The following CCDC91 variants were observed in gnomAD, a reference collection of about 807,000 sequenced individuals.
CCDC91 encodes the protein coiled-coil domain-containing protein 91.
CCDC91 carries 48 observed loss-of-function variants against 63.2 expected under a neutral mutation model. The observed-to-expected ratio is 0.76, with a 90% CI of 0.60 to 0.97. The LOEUF (loss-of-function observed/expected upper bound fraction) is 0.97. Among genes scored for constraint, CCDC91 ranks in the 50% least tolerant of loss-of-function variants. CCDC91 has a pLI of 0.00. For missense variants in CCDC91, 500 were observed against 494.6 expected, an observed-to-expected ratio of 1.01 and a Z score of -0.10; for synonymous variants, 167 against 165.8, an observed-to-expected ratio of 1.01 and a Z score of -0.06.
At chr12:28,309,565 C>G (rs555721942) in intron 6 of CCDC91, among the ~76,000 whole-genome samples, 2 of 152,084 alleles carry the variant, frequency 1.3e-5, no homozygotes, top group African/African-American at 4.8e-5. Flanking sequence ...CGTCTCTAAC[C>G]TATTGCTCCT....
At position 28,394,726 on chromosome 12, in the gene CCDC91, C is replaced by G. The variant is rs79676442; in HGVS notation, c.762+3315C>G. Among the ~76,000 whole-genome samples, 851 of 151,972 alleles carry G rather than the reference C, an allele frequency of 5.6e-3. 5 individuals carry two copies. Among genetic ancestry groups the G allele is most frequent in the Middle Eastern group, 0.01 (3 of 294 alleles). On this transcript the variant is annotated intron_variant, in intron 8 of 12. Coordinates refer to ENST00000536442, the MANE Select transcript of CCDC91 (RefSeq NM_018318.5). ...TCTGTTTCTTGCTCTCTCTCTCTCT[C>G]TCTCTCCCCCTTTTTCAGATTAAGA...
chr12:28,244,494 C>CTTTTTTTTTTTTTTTTTTT lies in CCDC91; in HGVS notation c.-14-12694_-14-12676dup, dbSNP rs3064681. Among the ~76,000 whole-genome samples the CTTTTTTTTTTTTTTTTTTT allele has an allele frequency of 7.8e-5, 3 of 38,426 alleles. 1 individual carries two copies. The highest frequency in any genetic ancestry group is 1.2e-4 in the African/African-American group (1 of 8,606). 25.2% of individuals were successfully genotyped at this position (38,426 alleles called of 152,430 possible). A position where few individuals can be genotyped will look rare whatever the true frequency, so the allele number is the denominator to read the frequency against. ...GAAACTTGGACAATGTAGAAGAAGGCTTTTTTTTTTTTTTTTTTTTTTTTT... is the reference window on the plus strand; with the variant it reads ...GAAACTTGGACAATGTAGAAGAAGGCTTTTTTTTTTTTTTTTTTTTTTTTTTTTTTTTTTTTTTTTTTTT... On this transcript the variant is annotated intron_variant, in intron 1 of 12. Coordinates refer to ENST00000536442, the MANE Select transcript of CCDC91 (RefSeq NM_018318.5).
chr12:28,532,957 T>C (rs1324236089), intron 12 of CCDC91, among the ~76,000 whole-genome samples: 1 of 152,128 alleles, frequency 6.6e-6, no homozygotes, highest in Non-Finnish European at 1.5e-5. Context: ...TGGGTCAGTA[T>C]AAGTTCTGTT....
At chr12:28,415,662 A>ATT (rs1947609886) in intron 8 of CCDC91, among the ~76,000 whole-genome samples, 4 of 50,120 alleles carry the variant, frequency 8.0e-5, no homozygotes, top group African/African-American at 2.6e-4. Flanking sequence ...AAAGATATAT[A>ATT]TTTGTGTGTG....
chr12:28,403,522 A>G (rs1205955448), intron 8 of CCDC91, among the ~76,000 whole-genome samples: 1 of 152,100 alleles, frequency 6.6e-6, no homozygotes, highest in African/African-American at 2.4e-5. Flanking sequence ...CCCTTCTACC[A>G]TGACCCCATA....
At chr12:28,411,957 C>A (rs1592595260) in intron 8 of CCDC91, among the ~76,000 whole-genome samples, 1 of 152,170 alleles carries the variant, frequency 6.6e-6, no homozygotes, top group Non-Finnish European at 1.5e-5. Context: ...GGCCCTACCC[C>A]CCAACACCAC....
chr12:28,540,101 C>T (rs975350306), intron 12 of CCDC91, among the ~76,000 whole-genome samples: 4 of 152,122 alleles, frequency 2.6e-5, no homozygotes, highest in Admixed American at 2.6e-4. Flanking sequence ...AAAGATTGTA[C>T]AAGCCTAGCA....
chr12:28,395,556 C>T (rs1946238061), intron 8 of CCDC91, among the ~76,000 whole-genome samples: 1 of 152,046 alleles, frequency 6.6e-6, no homozygotes, highest in Non-Finnish European at 1.5e-5. Flanking sequence ...CTTGGTTTGT[C>T]ATAAAGGATA....
At chr12:28,415,566 G>A (rs964937903) in intron 8 of CCDC91, among the ~76,000 whole-genome samples, 1 of 152,058 alleles carries the variant, frequency 6.6e-6, no homozygotes, top group African/African-American at 2.4e-5. Context: ...TCTTGTTACT[G>A]AGGATATATC....
chr12:28,213,549 G>T (rs1943377458), intron 1 of CCDC91, among the ~76,000 whole-genome samples: 1 of 152,130 alleles, frequency 6.6e-6, no homozygotes, highest in African/African-American at 2.4e-5. Flanking sequence ...CTAACATTTT[G>T]TTTTCTTAGT....
intron 1 of CCDC91, among the ~76,000 whole-genome samples, chr12:28,194,034 A>T (rs570092583): frequency 6.6e-6 from 1 of 152,212 alleles, no homozygotes; most frequent in Non-Finnish European, 1.5e-5. Flanking sequence ...CAAAGAGCAG[A>T]AGTTTTAAAT....
rs532363661 is a variant in CCDC91 at position 28,266,082 on chromosome 12, A to G, written c.109+6640A>G. Among the ~76,000 whole-genome samples the G allele has an allele frequency of 9.2e-5, 14 of 152,158 alleles. 1 individual carries two copies. The highest frequency in any genetic ancestry group is 3.4e-4 in the African/African-American group (14 of 41,550). On this transcript the variant is annotated intron_variant, in intron 3 of 12. Coordinates refer to ENST00000536442, the MANE Select transcript of CCDC91 (RefSeq NM_018318.5). ...TTTACTCTGGAGCCAGTTTTTAAAA[A>G]TGACGCCTAAAATGATAGCTTCTAT...
At chr12:28,475,765 T>G (rs1951051082) in intron 11 of CCDC91, among the ~76,000 whole-genome samples, 1 of 152,044 alleles carries the variant, frequency 6.6e-6, no homozygotes. Context: ...TTACCAGATG[T>G]GGCCCTTGGT....
intron 1 of CCDC91, among the ~76,000 whole-genome samples, chr12:28,192,777 T>C (rs1352682477): frequency 1.3e-5 from 2 of 152,222 alleles, no homozygotes; most frequent in African/African-American, 2.4e-5. Context: ...TCAAGTTTTA[T>C]TGAGGTATGA....
At chr12:28,428,908 C>A (rs1948480739) in intron 8 of CCDC91, among the ~76,000 whole-genome samples, 1 of 152,080 alleles carries the variant, frequency 6.6e-6, no homozygotes, top group Non-Finnish European at 1.5e-5. Context: ...GAGGAGTGGG[C>A]AGGGAGTCTA....
intron 6 of CCDC91, among the ~76,000 whole-genome samples, chr12:28,348,546 A>G (rs1942970000): frequency 6.6e-6 from 1 of 152,018 alleles, no homozygotes; most frequent in East Asian, 1.9e-4. Flanking sequence ...CAAAATGTTG[A>G]TAGCACCATG....
At chr12:28,336,089 A>G (rs1264594246) in intron 6 of CCDC91, among the ~76,000 whole-genome samples, 1 of 152,048 alleles carries the variant, frequency 6.6e-6, no homozygotes, top group Admixed American at 6.6e-5. Context: ...CCCCTTCCCA[A>G]AGAAACACAA....
chr12:28,292,388 A>C (rs1025174285), intron 3 of CCDC91, among the ~76,000 whole-genome samples: 8 of 152,188 alleles, frequency 5.3e-5, no homozygotes, highest in Admixed American at 3.9e-4. Context: ...TTTAAACTAC[A>C]TATTCCTTGT....
intron 11 of CCDC91, among the ~76,000 whole-genome samples, chr12:28,453,495 A>G (rs11049619): frequency 0.2 from 31,116 of 151,906 alleles, 4,184 homozygotes; most frequent in Non-Finnish European, 0.3. Flanking sequence ...AAAAAGCTCA[A>G]AGTTTTTAAT....
Sources: gnomAD v4.1 joint callset for allele counts (sites outside exome capture counted in the v4.1 genomes callset) on GRCh38, gnomAD v4.1.1 for gene constraint, MANE v1.5 for transcripts, NCBI Gene and HGNC (gene_info 2026-07-23, HGNC 2026-07-21) for gene names.